The following ZNF652 variants were observed in gnomAD, a reference collection of about 807,000 sequenced individuals.
ZNF652 encodes the protein zinc finger protein 652.
ZNF652 carries 16 observed loss-of-function variants against 45.2 expected under a neutral mutation model. That is an observed-to-expected ratio of 0.35 (90% CI 0.24 to 0.54). The LOEUF is 0.54. ZNF652 is among the 20% of genes least tolerant of loss of function. The pLI is 0.91. For synonymous variants in ZNF652, 250 were observed against 260.6 expected, an observed-to-expected ratio of 0.96 and a Z score of 0.39; for missense variants, 614 against 765.6, an observed-to-expected ratio of 0.80 and a Z score of 2.34.
At chr17:49,312,960 A>C in intron 2 of ZNF652, 115 bp from the exon 3 acceptor site, 1 of 1,007,806 alleles carries the variant, frequency 9.9e-7, no homozygotes, top group Non-Finnish European at 1.4e-6. Context: ...GAATCCAGAT[A>C]AGTGCTATTC....
At chr17:49,310,837 G>A (rs528402880) in intron 5 of ZNF652, among the ~76,000 whole-genome samples, 3 of 152,328 alleles carry the variant, frequency 2.0e-5, no homozygotes, top group African/African-American at 7.2e-5. Flanking sequence ...GGGAGGCGGA[G>A]GCTGCAGTGA....
chr17:49,304,547 T>C (rs1464477610), intron 5 of ZNF652, among the ~76,000 whole-genome samples: 2 of 152,126 alleles, frequency 1.3e-5, no homozygotes, highest in Non-Finnish European at 2.9e-5. Flanking sequence ...CTGTACAATG[T>C]CCCACTTTAA....
chr17:49,356,894 C>T lies in ZNF652; in HGVS notation c.-259+5015G>A, dbSNP rs529957958. Among the ~76,000 whole-genome samples the T allele has an allele frequency of 9.2e-5, 14 of 151,832 alleles. No homozygotes were observed. In the East Asian group the frequency reaches 1.7e-3, roughly 19 times the overall value. The stretch of plus-strand genomic sequence containing the variant: ...ACAGAATAATTTAATTCTATAGTAA[C>T]CTAAGAAATCCTATTTTACAAGCTG... On this transcript the variant is annotated intron_variant, in intron 1 of 5. Transcript: ENST00000430262.
rs3744325 is a variant in ZNF652 at position 49,298,524 on chromosome 17, G to T, written c.1710C>A (p.Leu570=). 6.2e-6 allele frequency: 10 copies of T among 1,612,812 alleles called. No individual in the cohort carries two copies. The highest frequency in any genetic ancestry group is 8.5e-6 in the Non-Finnish European group (10 of 1,179,706). Residue 570 remains leucine, a synonymous_variant, in exon 6 of 6, where the codon CTC becomes CTA. Transcript: ENST00000430262. ...TCTTAAAGAGAGCTGGAGGTGGCGG[G>T]AGGTGAGGGACTGGAGGGATGGGAA... ...HHLPIPPVPH[L]PPPPALFKSE...
intron 1 of ZNF652, among the ~76,000 whole-genome samples, chr17:49,324,891 C>T (rs920614859): frequency 6.6e-6 from 1 of 151,354 alleles, no homozygotes; most frequent in African/African-American, 2.4e-5. Flanking sequence ...CAGACATGCA[C>T]CACCACGCCC....
chr17:49,347,448 C>T (rs2070216277), intron 1 of ZNF652, among the ~76,000 whole-genome samples: 1 of 151,974 alleles, frequency 6.6e-6, no homozygotes, highest in African/African-American at 2.4e-5. Flanking sequence ...GCCTGTGGTC[C>T]CAGCTACTCT....
chr17:49,342,006 C>T (rs1200037703), intron 1 of ZNF652, among the ~76,000 whole-genome samples: 3 of 151,928 alleles, frequency 2.0e-5, no homozygotes, highest in Admixed American at 2.0e-4. Context: ...ACCAATATGG[C>T]GAAACCCCAT....
chr17:49,342,760 C>G (rs749424252), intron 1 of ZNF652, among the ~76,000 whole-genome samples: 4 of 152,192 alleles, frequency 2.6e-5, no homozygotes, highest in African/African-American at 4.8e-5. Flanking sequence ...GAGGAGAAAA[C>G]CCCCCTCAGT....
chr17:49,297,524 G>A lies in ZNF652; in HGVS notation c.*889C>T, dbSNP rs57390430. On this transcript the variant is annotated 3_prime_UTR_variant, in exon 6 of 6. Coordinates refer to ENST00000430262, the MANE Select transcript of ZNF652 (RefSeq NM_001145365.3). Reference sequence around the variant, plus strand: ...GAGCACATTAGGGAGCCTCTCTTGAGTGTTAAGCAGAGATGTCAAAACTAC... The same window carrying A: ...GAGCACATTAGGGAGCCTCTCTTGAATGTTAAGCAGAGATGTCAAAACTAC... The A allele has an allele frequency of 0.073, 11,071 of 152,622 alleles. 472 individuals carry two copies. Among genetic ancestry groups the A allele is most frequent in the Middle Eastern group, 0.14 (42 of 294 alleles). The allele number at this position is 152,622 out of a possible 1,614,324, so 9.5% of individuals were successfully genotyped here.
intron 1 of ZNF652, among the ~76,000 whole-genome samples, chr17:49,339,043 C>T (rs1365628964): frequency 2.0e-5 from 3 of 152,078 alleles, no homozygotes; most frequent in Non-Finnish European, 4.4e-5. Context: ...TGGTTAAGGG[C>T]TCAGACTTGG....
chr17:49,305,105 C>T (rs949051547), intron 5 of ZNF652, among the ~76,000 whole-genome samples: 10 of 152,062 alleles, frequency 6.6e-5, no homozygotes, highest in Non-Finnish European at 1.3e-4. Context: ...TTTTATACCC[C>T]ACATCTGGGA....
chr17:49,323,525 G>A (rs1454456035), intron 1 of ZNF652, among the ~76,000 whole-genome samples: 1 of 152,222 alleles, frequency 6.6e-6, no homozygotes, highest in East Asian at 1.9e-4. Flanking sequence ...GGCATCTAGA[G>A]TGGTGAATCC....
chr17:49,340,856 G>A (rs1358796827), intron 1 of ZNF652, among the ~76,000 whole-genome samples: 1 of 152,128 alleles, frequency 6.6e-6, no homozygotes, highest in Non-Finnish European at 1.5e-5. Context: ...CTGCAGTGGA[G>A]TGGAACATTT....
chr17:49,353,652 CAG>C (rs2070305650), intron 1 of ZNF652, among the ~76,000 whole-genome samples: 1 of 152,092 alleles, frequency 6.6e-6, no homozygotes, highest in Admixed American at 6.6e-5. Context: ...TGAAATAAAA[CAG>C]AATGAAAATT....
chr17:49,326,086 A>C (rs1336238492), intron 1 of ZNF652, among the ~76,000 whole-genome samples: 1 of 152,004 alleles, frequency 6.6e-6, no homozygotes, highest in Non-Finnish European at 1.5e-5. Context: ...TCAAGGAAGA[A>C]GTATGGGACC....
rs556276958 is a variant in ZNF652, at chr17:49,295,084, A to G, written c.*3329T>C. On this transcript the variant is annotated 3_prime_UTR_variant, in exon 6 of 6. Transcript: ENST00000430262. ...TTAATCCTGCAGTTCTTCTATTCAG[A>G]AGCATTAATGTTGTGAATATTCTTT... 2.0e-5 allele frequency: 3 copies of G among 151,990 alleles called. No homozygotes were observed. Among genetic ancestry groups the G allele is most frequent in the Admixed American group, 2.0e-4 (3 of 15,222 alleles). 9.4% of individuals were successfully genotyped at this position (151,990 alleles called of 1,614,324 possible). A position where few individuals can be genotyped will look rare whatever the true frequency, so the allele number is the denominator to read the frequency against.
At position 49,298,272 on chromosome 17, in the gene ZNF652, T is replaced by C. The variant is rs1038293394; in HGVS notation, c.*141A>G. 2 of 1,025,140 alleles carry C rather than the reference T, an allele frequency of 2.0e-6. No individual in the cohort carries two copies. Among genetic ancestry groups the C allele is most frequent in the Admixed American group, 2.7e-5 (1 of 36,838 alleles). The allele number at this position is 1,025,140 out of a possible 1,614,324, so 63.5% of individuals were successfully genotyped here. A position where few individuals can be genotyped will look rare whatever the true frequency, so the allele number is the denominator to read the frequency against. On this transcript the variant is annotated 3_prime_UTR_variant, in exon 6 of 6. Coordinates refer to ENST00000430262, the MANE Select transcript of ZNF652 (RefSeq NM_001145365.3). Reference sequence around the variant, plus strand: ...TAGTCTTCTTGTTCATTCCCTTGGATCTGTTGATTCAGTGACACTGGCGAA... The same window carrying C: ...TAGTCTTCTTGTTCATTCCCTTGGACCTGTTGATTCAGTGACACTGGCGAA...
intron 1 of ZNF652, among the ~76,000 whole-genome samples, chr17:49,330,755 TA>T (rs575518564): frequency 3.3e-5 from 5 of 151,370 alleles, no homozygotes; most frequent in Non-Finnish European, 7.4e-5. Context: ...TTAACTTTAT[TA>T]AAAAAAATCA....
In ZNF652 at chr17:49,290,793, T is replaced by G. The variant is rs1056724821; in HGVS notation, c.*7620A>C. 1.3e-5 allele frequency: 2 copies of G among 152,202 alleles called. No homozygotes were observed. The highest frequency in any genetic ancestry group is 2.9e-5 in the Non-Finnish European group (2 of 68,038). The allele number at this position is 152,202 out of a possible 1,614,324, so 9.4% of individuals were successfully genotyped here. On this transcript the variant is annotated 3_prime_UTR_variant, in exon 6 of 6. Transcript: ENST00000430262. ...ACTGGACTTTGTAATAAGGGAAAAT[T>G]TCTTAAATAATCAAAATACATGAAT...
Sources: allele counts gnomAD v4.1 joint callset (sites outside exome capture counted in the v4.1 genomes callset), GRCh38; gene constraint gnomAD v4.1.1; transcripts MANE v1.5; gene names NCBI Gene and HGNC (gene_info 2026-07-23, HGNC 2026-07-21).